The following SEC16B variants were observed in gnomAD, a reference collection of about 807,000 sequenced individuals.
The protein encoded by SEC16B is protein transport protein Sec16B.
Under a neutral mutation model 141.8 loss-of-function variants are expected in SEC16B, and 115 were observed. That is an observed-to-expected ratio of 0.81 (90% CI 0.70 to 0.95). The LOEUF (loss-of-function observed/expected upper bound fraction) is 0.95, where lower values mean the gene tolerates loss of function less well. SEC16B is among the 40% of genes least tolerant of loss of function. SEC16B has a pLI of 0.00. For missense variants in SEC16B, 1,291 were observed against 1,312.3 expected, an observed-to-expected ratio of 0.98 and a Z score of 0.25; for synonymous variants, 493 against 492.5, an observed-to-expected ratio of 1.00 and a Z score of -0.01.
intron 1 of SEC16B, among the ~76,000 whole-genome samples, chr1:177,981,091 T>C (rs1556975): frequency 0.25 from 38,525 of 151,880 alleles, 5,539 homozygotes; most frequent in East Asian, 0.48. Context: ...TGCAAACCCC[T>C]GATGTTTAGC....
intron 12 of SEC16B, among the ~76,000 whole-genome samples, chr1:177,949,300 A>G (rs1651978789): frequency 6.6e-6 from 1 of 151,484 alleles, no homozygotes; most frequent in African/African-American, 2.4e-5. Flanking sequence ...AAGTCCTATT[A>G]TGACCTGCAT....
chr1:177,967,699 T>C lies in SEC16B; in HGVS notation c.283A>G (p.Asn95Asp). The change falls in exon 2 of 26, where the codon AAT (asparagine) becomes GAT (aspartate). Residue 95 changes from asparagine (N) to aspartate (D), a missense_variant. Transcript: ENST00000308284. Reference sequence around the variant, plus strand: ...AAGCCATACCTTGAATACAACTGATTGCGATAACCACCTTCGTAATAGTCA... The same window carrying C: ...AAGCCATACCTTGAATACAACTGATCGCGATAACCACCTTCGTAATAGTCA... ...GVDYYEGGYR[N>D]QLYSRPGYEN... 6.2e-7 allele frequency: 1 copy of C among 1,602,014 alleles called. No individual in the cohort carries two copies. Among genetic ancestry groups the C allele is most frequent in the Non-Finnish European group, 8.5e-7 (1 of 1,171,550 alleles).
At chr1:177,975,926 C>T (rs889727076) in intron 1 of SEC16B, among the ~76,000 whole-genome samples, 1 of 152,150 alleles carries the variant, frequency 6.6e-6, no homozygotes, top group Admixed American at 6.5e-5. Flanking sequence ...TCCTGTGCTG[C>T]TCAGCTGTTC....
At chr1:177,959,692 T>TA in intron 8 of SEC16B, 1 of 154,370 alleles carries the variant, frequency 6.5e-6, no homozygotes, top group African/African-American at 2.4e-5. Flanking sequence ...GAGCAGGTGT[T>TA]ATACCATTTC....
At chr1:177,941,632 C>A (rs1398683838) in intron 16 of SEC16B, among the ~76,000 whole-genome samples, 1 of 152,152 alleles carries the variant, frequency 6.6e-6, no homozygotes, top group Non-Finnish European at 1.5e-5. Flanking sequence ...ACCAGAAAAG[C>A]AGATGCAAGA....
At chr1:177,957,235 T>C (rs1440390265) in intron 10 of SEC16B, among the ~76,000 whole-genome samples, 3 of 152,174 alleles carry the variant, frequency 2.0e-5, no homozygotes, top group Non-Finnish European at 4.4e-5. Flanking sequence ...GTATAATTTA[T>C]AGTGGTTGAC....
Position 177,929,830 on chromosome 1 carries a change from G to A in SEC16B, c.*28C>T, listed in dbSNP as rs759979732. 4 of 1,611,956 alleles carry A rather than the reference G, an allele frequency of 2.5e-6. No homozygotes were observed. The highest frequency in any genetic ancestry group is 1.1e-5 in the South Asian group (1 of 90,706). ...GAGAGCAAGAAAGTTTCAGTCCTGG[G>A]AGATGAGCCTGGGACGTGTGTTTAT... On this transcript the variant is annotated 3_prime_UTR_variant, in exon 26 of 26. Coordinates refer to ENST00000308284, the MANE Select transcript of SEC16B (RefSeq NM_033127.4).
chr1:177,944,417 A>T, intron 15 of SEC16B, 144 bp downstream of exon 15: 1 of 657,098 alleles, frequency 1.5e-6, no homozygotes, highest in Non-Finnish European at 2.7e-6. Flanking sequence ...AAGAAATCCT[A>T]CACCCTCCCA....
intron 12 of SEC16B, chr1:177,948,544 C>A (rs1426016411): frequency 7.7e-7 from 1 of 1,304,266 alleles, no homozygotes. Flanking sequence ...CAGCAGAATT[C>A]CACCAGGGGG....
At chr1:177,954,491 T>G (rs1417719904) in intron 10 of SEC16B, 115 bp from the exon 11 acceptor site, 1 of 741,384 alleles carries the variant, frequency 1.3e-6, no homozygotes, top group African/African-American at 1.8e-5. Flanking sequence ...AGAAAACTCT[T>G]AGAGCCTCAT....
At chr1:177,958,792 G>C in intron 9 of SEC16B, 48 bp downstream of exon 9, 1 of 1,576,774 alleles carries the variant, frequency 6.3e-7, no homozygotes, top group Non-Finnish European at 8.6e-7. Context: ...ATCCCATGAA[G>C]ACTTAAATTT....
At position 177,958,177 on chromosome 1, in the gene SEC16B, C is replaced by G; in HGVS notation, c.1320G>C (p.Gln440His). The G allele has an allele frequency of 6.4e-7, 1 of 1,566,468 alleles. No homozygotes were observed. Among genetic ancestry groups the G allele is most frequent in the Non-Finnish European group, 8.7e-7 (1 of 1,154,198 alleles). Residue 440 changes from glutamine to histidine, a missense_variant, in exon 10 of 26, where the codon CAG becomes CAC. Physicochemically the swap from Gln to His is conservative, Grantham distance 24. Coordinates refer to ENST00000308284, the MANE Select transcript of SEC16B (RefSeq NM_033127.4). Reference sequence around the variant, plus strand: ...GCAGCCTAGTGAATTTCTCCACGATCTGCGCAGGTGTCTCCACACTGGGGG... The same window carrying G: ...GCAGCCTAGTGAATTTCTCCACGATGTGCGCAGGTGTCTCCACACTGGGGG... Reference protein sequence around the residue: ...EIPPSVETPAQIVEKFTRLLY... With the variant: ...EIPPSVETPAHIVEKFTRLLY...
At position 177,958,887 on chromosome 1, in the gene SEC16B, A is replaced by C; in HGVS notation, c.1087T>G (p.Ser363Ala). 1 of 1,613,852 alleles carries C rather than the reference A, an allele frequency of 6.2e-7. No homozygotes were observed. The highest frequency in any genetic ancestry group is 8.5e-7 in the Non-Finnish European group (1 of 1,179,780). ...ACCAAGAGCTGCCACAGTAGAGCTG[A>C]GTCTCTGCTCCCCAGTGTCTCAGAT... ...CKSETLGSRDSALLWQLLVLL... is the reference protein window; with the variant it reads ...CKSETLGSRDAALLWQLLVLL... The change falls in exon 9 of 26, where the codon TCA becomes GCA. Residue 363 changes from serine (S) to alanine (A), a missense_variant. By Grantham distance (99) the Ser-to-Ala change is moderately conservative. Around this residue, in one of 3 missense-constraint regions of SEC16B, gnomAD observed 681 missense variants for 675.5 expected, o/e 1.01. Coordinates refer to ENST00000308284, the MANE Select transcript of SEC16B (RefSeq NM_033127.4).
intron 1 of SEC16B, among the ~76,000 whole-genome samples, chr1:177,977,370 T>C (rs768091415): frequency 1.3e-5 from 2 of 152,234 alleles, no homozygotes; most frequent in African/African-American, 2.4e-5. Context: ...AAGGCCCTCA[T>C]GCACACATGG....
rs1267272224 is a variant in SEC16B at position 177,967,731 on chromosome 1, GAC to G, written c.249_250del (p.Ser84TrpfsTer3). On this transcript the variant is annotated frameshift_variant, in exon 2 of 26. Transcript: ENST00000308284. LOFTEE classifies it high-confidence loss of function. Reference sequence around the variant, plus strand: ...ACCACCTTCGTAATAGTCAACTCCAGACACAGGCTGATGCCAGTCCCCTGGCC... The same window carrying G: ...ACCACCTTCGTAATAGTCAACTCCAGACAGGCTGATGCCAGTCCCCTGGCC... 1.2e-6 allele frequency: 2 copies of G among 1,612,958 alleles called. No individual in the cohort carries two copies. Among genetic ancestry groups the G allele is most frequent in the East Asian group, 2.2e-5 (1 of 44,852 alleles).
intron 1 of SEC16B, among the ~76,000 whole-genome samples, chr1:177,978,843 T>C (rs1012552883): frequency 3.3e-5 from 5 of 152,218 alleles, no homozygotes; most frequent in Non-Finnish European, 7.3e-5. Context: ...TTAGCTATTC[T>C]TCATTATTGA....
upstream of SEC16B, among the ~76,000 whole-genome samples, chr1:177,970,637 C>T (rs1465169410): frequency 6.6e-6 from 1 of 152,152 alleles, no homozygotes; most frequent in Non-Finnish European, 1.5e-5. Flanking sequence ...ATTCTGTCAT[C>T]TAGCTGGAAG....
chr1:177,953,851 C>A (rs976935049), intron 11 of SEC16B, among the ~76,000 whole-genome samples: 1 of 152,050 alleles, frequency 6.6e-6, no homozygotes, highest in Non-Finnish European at 1.5e-5. Context: ...CCTGCTACCC[C>A]ACACCCCCAC....
Position 177,942,023 on chromosome 1 carries a change from A to G in SEC16B, c.1899T>C (p.Tyr633=). The change falls in exon 16 of 26, where the codon TAT becomes TAC. Residue 633 remains tyrosine, a synonymous_variant. Coordinates refer to ENST00000308284, the MANE Select transcript of SEC16B (RefSeq NM_033127.4). The part of the protein sequence containing the change: ...IPSFQVYKLL[Y]ASRLADYGLV... ...GGCCATAATCTGCCAGACGGGAAGC[A>G]TAAAGGAGCTTATACACCTGTGAAG... 6.2e-7 allele frequency: 1 copy of G among 1,613,898 alleles called. No homozygotes were observed.
Sources: gnomAD v4.1 joint callset for allele counts (sites outside exome capture counted in the v4.1 genomes callset) on GRCh38, gnomAD v4.1.1 for gene constraint, gnomAD v4.1.1 regional missense constraint, MANE v1.5 for transcripts, NCBI Gene and HGNC (gene_info 2026-07-23, HGNC 2026-07-21) for gene names.